Variants in EML4 observed in about 807,000 individuals in gnomAD.
EML4 encodes echinoderm microtubule-associated protein-like 4.
A neutral mutation model predicts 129.0 loss-of-function variants in EML4; 72 were observed. The ratio of observed to expected loss-of-function variants is 0.56; its 90% confidence interval spans 0.46 to 0.68. EML4 has a LOEUF of 0.68. EML4 is among the 30% of genes least tolerant of loss of function. The probability of loss-of-function intolerance (pLI) is 0.00; values close to 1 mark genes in which losing one functional copy is unlikely to be tolerated. For synonymous variants in EML4, 532 were observed against 405.0 expected (o/e 1.31, Z -3.77); for missense variants, 1,363 against 1,190.6 (o/e 1.14, Z -2.13).
At position 42,328,343 on chromosome 2, in the gene EML4, C is replaced by T. The variant is rs1572768745; in HGVS notation, c.2342-543C>T. Among the ~76,000 whole-genome samples, 6 of 152,260 alleles carry T rather than the reference C, an allele frequency of 3.9e-5. No individual in the cohort carries two copies. In the South Asian group the frequency reaches 1.2e-3, roughly 32 times the overall value. On this transcript the variant is annotated intron_variant, in intron 21 of 22. Transcript: ENST00000318522. ...AATAATTAAATTTGACGTGTCTTAT[C>T]TTGGGACATAATCTTTCCAGGAAAA... is the stretch of plus-strand genomic sequence containing the variant.
chr2:42,306,515 T>TA (rs1668608092), intron 17 of EML4, among the ~76,000 whole-genome samples: 1 of 131,724 alleles, frequency 7.6e-6, no homozygotes. Context: ...TTTTTTGAGA[T>TA]AGAGTCTCGC....
chr2:42,277,570 C>CTTT (rs869297928), intron 6 of EML4, among the ~76,000 whole-genome samples: 10 of 136,608 alleles, frequency 7.3e-5, no homozygotes, highest in East Asian at 2.1e-4. Flanking sequence ...CAAGCACAAC[C>CTTT]TTTTTTTTTT....
intron 1 of EML4, among the ~76,000 whole-genome samples, chr2:42,170,792 T>G (rs570575709): frequency 3.9e-5 from 6 of 152,366 alleles, no homozygotes; most frequent in East Asian, 1.9e-4. Flanking sequence ...TTCTTGATAA[T>G]AAGTCTCTAC....
At chr2:42,329,038 C>T in intron 22 of EML4, 22 bp downstream of exon 22, 1 of 1,603,786 alleles carries the variant, frequency 6.2e-7, no homozygotes, top group Non-Finnish European at 8.5e-7. Context: ...TTAATAGAAA[C>T]TAATGTTATA....
chr2:42,315,058 T>A (rs1270061673), intron 17 of EML4, among the ~76,000 whole-genome samples: 1 of 152,212 alleles, frequency 6.6e-6, no homozygotes, highest in Non-Finnish European at 1.5e-5. Context: ...CTGGTTCTTT[T>A]GAATCACACC....
chr2:42,310,536 G>C (rs1359948401), intron 17 of EML4, among the ~76,000 whole-genome samples: 4 of 152,162 alleles, frequency 2.6e-5, no homozygotes, highest in Non-Finnish European at 4.4e-5. Flanking sequence ...AGTAGAGACA[G>C]GGTTTCACCA....
chr2:42,260,198 C>G (rs545448374), intron 3 of EML4, among the ~76,000 whole-genome samples: 2 of 151,890 alleles, frequency 1.3e-5, no homozygotes, highest in Non-Finnish European at 2.9e-5. Context: ...GATGGAGTCT[C>G]GCACTGTCAT....
chr2:42,261,126 C>T lies in EML4; in HGVS notation c.344C>T (p.Thr115Ile). The change falls in exon 4 of 23, where the codon ACA (threonine) becomes ATA (isoleucine). Residue 115 changes from threonine to isoleucine, a missense_variant. By Grantham distance (89) the Thr-to-Ile change is moderately conservative. Coordinates refer to ENST00000318522, the MANE Select transcript of EML4 (RefSeq NM_019063.5). ...ETLSSAAKSG[T>I]EKKKEKPQGQ... ...TGTTATACTTTATTTTACAGTGGTA[C>T]AGAAAAAAAGAAAGAAAAACCACAA... 1.3e-6 allele frequency: 2 copies of T among 1,598,916 alleles called. No individual in the cohort carries two copies. The highest frequency in any genetic ancestry group is 1.7e-6 in the Non-Finnish European group (2 of 1,172,278).
At chr2:42,312,273 C>G (rs968192790) in intron 17 of EML4, among the ~76,000 whole-genome samples, 11 of 152,172 alleles carry the variant, frequency 7.2e-5, no homozygotes, top group South Asian at 2.1e-4. Flanking sequence ...AGCCCCCCCC[C>G]ACCATCGTCC....
chr2:42,232,022 G>A (rs752255430), intron 1 of EML4, among the ~76,000 whole-genome samples: 1 of 151,772 alleles, frequency 6.6e-6, no homozygotes, highest in Non-Finnish European at 1.5e-5. Context: ...TAAATTCTCA[G>A]CACTTTGAAA....
intron 1 of EML4, among the ~76,000 whole-genome samples, chr2:42,240,823 G>T (rs1039967479): frequency 6.6e-6 from 1 of 152,138 alleles, no homozygotes; most frequent in Admixed American, 6.5e-5. Flanking sequence ...TACACGTGAA[G>T]AAAGCAGTCA....
At chr2:42,188,047 A>G (rs553039564) in intron 1 of EML4, among the ~76,000 whole-genome samples, 59 of 152,248 alleles carry the variant, frequency 3.9e-4, no homozygotes, top group South Asian at 1.0e-3. Context: ...TTGCACACTG[A>G]TGATTTTTGT....
At chr2:42,305,269 G>A (rs1002366199) in intron 17 of EML4, among the ~76,000 whole-genome samples, 6 of 152,228 alleles carry the variant, frequency 3.9e-5, no homozygotes, top group Admixed American at 6.5e-5. Flanking sequence ...ACATTATCAC[G>A]AATTATATTA....
chr2:42,301,490 A>C, intron 14 of EML4, 98 bp downstream of exon 14: 1 of 936,496 alleles, frequency 1.1e-6, no homozygotes, highest in Non-Finnish European at 1.5e-6. Flanking sequence ...AAACTTATTA[A>C]ATTCTTATAA....
At chr2:42,268,286 T>A (rs769513779) in intron 6 of EML4, among the ~76,000 whole-genome samples, 1 of 152,160 alleles carries the variant, frequency 6.6e-6, no homozygotes, top group Non-Finnish European at 1.5e-5. Flanking sequence ...AAAGATGATT[T>A]AAAGTATACA....
chr2:42,178,652 A>G (rs1437288306), intron 1 of EML4, among the ~76,000 whole-genome samples: 1 of 152,156 alleles, frequency 6.6e-6, no homozygotes, highest in East Asian at 1.9e-4. Context: ...CAACTGCAAA[A>G]AAGAGGATTT....
intron 1 of EML4, among the ~76,000 whole-genome samples, chr2:42,172,412 T>TA (rs1244270290): frequency 6.6e-6 from 1 of 152,222 alleles, no homozygotes; most frequent in Admixed American, 6.5e-5. Context: ...AGTGGTTTTT[T>TA]AAATCATAGG....
chr2:42,309,272 G>A (rs1036692267), intron 17 of EML4, among the ~76,000 whole-genome samples: 7 of 151,790 alleles, frequency 4.6e-5, no homozygotes, highest in African/African-American at 1.5e-4. Context: ...AGCCAGGCAT[G>A]GTGGCACATG....
At chr2:42,206,429 A>G (rs879279745) in intron 1 of EML4, among the ~76,000 whole-genome samples, 9 of 152,240 alleles carry the variant, frequency 5.9e-5, no homozygotes, top group Admixed American at 5.9e-4. Flanking sequence ...TTGCCCAGGC[A>G]GGTCCCAAAC....
Sources: allele counts gnomAD v4.1 joint callset (sites outside exome capture counted in the v4.1 genomes callset), GRCh38; gene constraint gnomAD v4.1.1; transcripts MANE v1.5; gene names NCBI Gene and HGNC (gene_info 2026-07-23, HGNC 2026-07-21).